TAF1B: variants seen among roughly 807,000 people sequenced by gnomAD.
TAF1B encodes TATA box-binding protein-associated factor RNA polymerase I subunit B.
In TAF1B, 61 loss-of-function variants were observed where a neutral mutation model predicts 83.9. The observed-to-expected ratio is 0.73, with a 90% CI of 0.59 to 0.90. The LOEUF is 0.90. Ranked by LOEUF, TAF1B falls within the 40% of genes least tolerant of loss-of-function variation. TAF1B has a pLI of 0.00. For missense variants in TAF1B, 625 were observed against 677.0 expected, an observed-to-expected ratio of 0.92 and a Z score of 0.85; for synonymous variants, 221 against 224.6, an observed-to-expected ratio of 0.98 and a Z score of 0.14.
At chr2:9,868,830 C>A in intron 6 of TAF1B, 1 of 370,924 alleles carries the variant, frequency 2.7e-6, no homozygotes, top group South Asian at 2.1e-5. Context: ...TAGACTAAAT[C>A]AAGCTGAGTA....
At chr2:9,897,893 C>T (rs1286645419) in intron 8 of TAF1B, among the ~76,000 whole-genome samples, 1 of 151,944 alleles carries the variant, frequency 6.6e-6, no homozygotes, top group Non-Finnish European at 1.5e-5. Context: ...TGATCAGGTT[C>T]CCTCATTTCT....
intron 8 of TAF1B, among the ~76,000 whole-genome samples, chr2:9,903,578 T>C (rs410121): frequency 0.28 from 42,493 of 152,218 alleles, 6,927 homozygotes; most frequent in Middle Eastern, 0.4. Flanking sequence ...GAGAATCTTA[T>C]ATATTTTTAT....
At chr2:9,908,189 G>C (rs1392119401) in intron 9 of TAF1B, among the ~76,000 whole-genome samples, 33 of 151,496 alleles carry the variant, frequency 2.2e-4, no homozygotes, top group Non-Finnish European at 4.4e-5. Flanking sequence ...GGGACTACAG[G>C]CGCCCGCCAC....
At position 9,851,852 on chromosome 2, in the gene TAF1B, T is replaced by C. The variant is rs981563204; in HGVS notation, c.303+214T>C. 3.6e-5 allele frequency: 23 copies of C among 643,148 alleles called. No homozygotes were observed. The African/African-American group carries it at 3.6e-4, about 10-fold the overall frequency. The allele number at this position is 643,148 out of a possible 1,614,324, so 39.8% of individuals were successfully genotyped here. ...AAGCAATACATCCAAAAGAAAAATT[T>C]AAAGGTTTTAGTCTTCAGATACTTA... On this transcript the variant is annotated intron_variant, in intron 4 of 14. Coordinates refer to ENST00000263663, the MANE Select transcript of TAF1B (RefSeq NM_005680.3).
At position 9,861,412 on chromosome 2, in the gene TAF1B, A is replaced by G. The variant is rs563305165; in HGVS notation, c.400-6864A>G. The stretch of plus-strand genomic sequence containing the variant: ...GCGAGGCTGGGGAGGGGCGCCCGCC[A>G]TTGCCGAGGCTTGAGTAGGTAAACA... On this transcript the variant is annotated intron_variant, in intron 5 of 14. Coordinates refer to ENST00000263663, the MANE Select transcript of TAF1B (RefSeq NM_005680.3). Among the ~76,000 whole-genome samples, 4 of 152,348 alleles carry G rather than the reference A, an allele frequency of 2.6e-5. No individual in the cohort carries two copies. The East Asian group carries it at 7.7e-4, about 29-fold the overall frequency.
intron 8 of TAF1B, among the ~76,000 whole-genome samples, chr2:9,903,202 C>T (rs1665236016): frequency 6.6e-6 from 1 of 152,172 alleles, no homozygotes; most frequent in African/African-American, 2.4e-5. Flanking sequence ...TCTCCTGCCT[C>T]AGCCTCCCAA....
rs556299442 is a variant in TAF1B, at chr2:9,914,232, TC to T, written c.1271+986del. Among the ~76,000 whole-genome samples the T allele has an allele frequency of 3.9e-5, 6 of 152,218 alleles. No individual in the cohort carries two copies. Among genetic ancestry groups the T allele is most frequent in the Middle Eastern group, 3.4e-3 (1 of 294 alleles). ...TCCATAGCAGGGAAGTGTGACAGGTTCCCTCTCAGTAGGCAGGATTGATGCA... is the reference window on the plus strand; with the variant it reads ...TCCATAGCAGGGAAGTGTGACAGGTTCCTCTCAGTAGGCAGGATTGATGCA... On this transcript the variant is annotated intron_variant, in intron 12 of 14. Transcript: ENST00000263663. This position sits in a 1 kb window ranked among gnomAD's most constrained non-coding sequence, Gnocchi z 4.3.
intron 8 of TAF1B, among the ~76,000 whole-genome samples, chr2:9,889,172 C>T (rs1218403638): frequency 6.6e-6 from 1 of 151,858 alleles, no homozygotes; most frequent in East Asian, 1.9e-4. Context: ...CATTTTCATC[C>T]ATTATTTGTT....
chr2:9,932,175 G>T (rs527418172), intron 14 of TAF1B, among the ~76,000 whole-genome samples: 2 of 152,184 alleles, frequency 1.3e-5, no homozygotes, highest in African/African-American at 4.8e-5. Context: ...CTGTCAGCTC[G>T]TCAAAGTCAT....
At chr2:9,859,888 C>T (rs1181885173) in intron 5 of TAF1B, among the ~76,000 whole-genome samples, 2 of 152,146 alleles carry the variant, frequency 1.3e-5, no homozygotes, top group South Asian at 2.1e-4. Context: ...TTTGTTTCCA[C>T]ACTACTATGA....
chr2:9,878,704 T>A (rs1462822852), intron 7 of TAF1B, among the ~76,000 whole-genome samples: 2 of 152,224 alleles, frequency 1.3e-5, no homozygotes, highest in Admixed American at 1.3e-4. Flanking sequence ...TGTTCTGGCA[T>A]CTAGACCCTT....
intron 5 of TAF1B, among the ~76,000 whole-genome samples, chr2:9,858,358 G>T (rs1363099667): frequency 6.6e-6 from 1 of 152,202 alleles, no homozygotes; most frequent in Non-Finnish European, 1.5e-5. Context: ...TTGCTCCTAT[G>T]GCTCTGCAGG....
At chr2:9,866,604 A>T (rs1437608891) in intron 5 of TAF1B, among the ~76,000 whole-genome samples, 1 of 152,220 alleles carries the variant, frequency 6.6e-6, no homozygotes, top group African/African-American at 2.4e-5. Flanking sequence ...CCAAAGGATT[A>T]TAAGTCATGC....
At chr2:9,902,227 CTT>C (rs35648389) in intron 8 of TAF1B, among the ~76,000 whole-genome samples, 340 of 144,130 alleles carry the variant, frequency 2.4e-3, no homozygotes, top group Admixed American at 3.1e-3. Flanking sequence ...ATATATGAAG[CTT>C]TTTTTTTTTT....
intron 14 of TAF1B, among the ~76,000 whole-genome samples, chr2:9,926,804 CAA>C (rs71391175): frequency 5.7e-5 from 6 of 104,804 alleles, no homozygotes; most frequent in African/African-American, 8.2e-5. Flanking sequence ...GACTCTGTCT[CAA>C]AAAAAAAAAA....
intron 6 of TAF1B, 94 bp downstream of exon 6, chr2:9,868,523 A>G: frequency 6.7e-7 from 1 of 1,496,718 alleles, no homozygotes; most frequent in Middle Eastern, 1.7e-4. Flanking sequence ...AGGAAAGGGA[A>G]CTTGGTCTAG....
chr2:9,854,341 A>G lies in TAF1B; in HGVS notation c.319A>G (p.Asn107Asp), dbSNP rs889054404. The G allele has an allele frequency of 5.0e-6, 8 of 1,613,854 alleles. No homozygotes were observed. Among genetic ancestry groups the G allele is most frequent in the Non-Finnish European group, 6.8e-6 (8 of 1,179,868 alleles). The change falls in exon 5 of 15, where the codon AAT (asparagine) becomes GAT (aspartate). Residue 107 changes from asparagine (N) to aspartate (D), a missense_variant. By Grantham distance (23) the Asn-to-Asp change is conservative (BLOSUM62 1). Coordinates refer to ENST00000263663, the MANE Select transcript of TAF1B (RefSeq NM_005680.3). ...GPELKNDVLH[N>D]FWKRYLQKSK... ...TCCACCTTAGAACGATGTTTTACAT[A>G]ATTTTTGGAAGCGCTACCTTCAGAA... is the stretch of plus-strand genomic sequence containing the variant.
chr2:9,882,041 G>A (rs1664522717), intron 7 of TAF1B, among the ~76,000 whole-genome samples: 1 of 152,076 alleles, frequency 6.6e-6, no homozygotes, highest in African/African-American at 2.4e-5. Flanking sequence ...GGGAGCTAGG[G>A]ATACAGGGAA....
At chr2:9,866,249 A>ATGGGTTGT (rs1663972159) in intron 5 of TAF1B, among the ~76,000 whole-genome samples, 6 of 151,920 alleles carry the variant, frequency 3.9e-5, no homozygotes, top group Non-Finnish European at 8.8e-5. Context: ...GGAAAAAAAC[A>ATGGGTTGT]AACAACCCCA....
Sources: allele counts gnomAD v4.1 joint callset (sites outside exome capture counted in the v4.1 genomes callset), GRCh38; gene constraint gnomAD v4.1.1; non-coding constraint Gnocchi (gnomAD v3.1); transcripts MANE v1.5; gene names NCBI Gene and HGNC (gene_info 2026-07-23, HGNC 2026-07-21).